TSPAN18: variants seen among roughly 807,000 people sequenced by gnomAD.
The protein encoded by TSPAN18 is tetraspanin-18.
In TSPAN18, 14 loss-of-function variants were observed where a neutral mutation model predicts 27.3. That is an observed-to-expected ratio of 0.51 (90% CI 0.34 to 0.80). TSPAN18 has a LOEUF of 0.80. Among genes scored for constraint, TSPAN18 ranks in the 30% least tolerant of loss-of-function variants. The probability of loss-of-function intolerance (pLI) is 0.01; values close to 1 mark genes in which losing one functional copy is unlikely to be tolerated. For synonymous variants in TSPAN18, 143 were observed against 136.5 expected, an observed-to-expected ratio of 1.05 and a Z score of -0.33; for missense variants, 268 against 323.9, an observed-to-expected ratio of 0.83 and a Z score of 1.32.
chr11:44,731,816 C>G (rs1045974050), intron 1 of TSPAN18, among the ~76,000 whole-genome samples: 3 of 152,128 alleles, frequency 2.0e-5, no homozygotes, highest in Non-Finnish European at 4.4e-5. Flanking sequence ...TGACAATATC[C>G]TGGCTCCTGG....
intron 2 of TSPAN18, among the ~76,000 whole-genome samples, chr11:44,772,795 A>C (rs1179245354): frequency 6.6e-6 from 1 of 152,146 alleles, no homozygotes; most frequent in Non-Finnish European, 1.5e-5. Context: ...AGTAGCTGGG[A>C]TTACAGACAT....
chr11:44,762,709 G>A (rs1855481872), intron 1 of TSPAN18, among the ~76,000 whole-genome samples: 1 of 152,096 alleles, frequency 6.6e-6, no homozygotes, highest in African/African-American at 2.4e-5. Flanking sequence ...GGTTCATGAT[G>A]CATGAGGTCC....
At chr11:44,894,827 C>A (rs1858984944) in intron 3 of TSPAN18, among the ~76,000 whole-genome samples, 1 of 152,224 alleles carries the variant, frequency 6.6e-6, no homozygotes, top group Non-Finnish European at 1.5e-5. Context: ...CAGCACTGGG[C>A]TGGAGACTTT....
intron 5 of TSPAN18, among the ~76,000 whole-genome samples, chr11:44,910,599 T>G (rs907365846): frequency 1.3e-5 from 2 of 152,266 alleles, no homozygotes; most frequent in Non-Finnish European, 2.9e-5. Context: ...AACTCCTTAG[T>G]AACATCGCTA....
intron 3 of TSPAN18, among the ~76,000 whole-genome samples, chr11:44,900,448 G>A (rs1261556037): frequency 6.6e-6 from 1 of 152,298 alleles, no homozygotes; most frequent in East Asian, 1.9e-4. Context: ...TCTGGCTCAG[G>A]CACTTCTGTA....
chr11:44,821,709 C>T (rs571716746), intron 2 of TSPAN18, among the ~76,000 whole-genome samples: 1 of 152,162 alleles, frequency 6.6e-6, no homozygotes, highest in Non-Finnish European at 1.5e-5. Context: ...GTTTCTTCTT[C>T]ACCTCCTCTT....
intron 2 of TSPAN18, among the ~76,000 whole-genome samples, chr11:44,824,744 G>A (rs1856999279): frequency 6.6e-6 from 1 of 152,222 alleles, no homozygotes; most frequent in Non-Finnish European, 1.5e-5. Flanking sequence ...GCCAGTGCTG[G>A]GTTTTAATTG....
intron 2 of TSPAN18, among the ~76,000 whole-genome samples, chr11:44,800,854 G>T (rs1461148888): frequency 1.3e-5 from 2 of 152,170 alleles, no homozygotes; most frequent in Non-Finnish European, 2.9e-5. Context: ...TGTCTGCCCA[G>T]AAAGTCTGTC....
intron 1 of TSPAN18, among the ~76,000 whole-genome samples, chr11:44,759,780 C>T (rs1057180562): frequency 3.9e-5 from 6 of 152,174 alleles, no homozygotes; most frequent in African/African-American, 9.7e-5. Context: ...AGTAAGATAC[C>T]ACCCATATCT....
chr11:44,769,977 A>C (rs1855654368), intron 2 of TSPAN18, among the ~76,000 whole-genome samples: 1 of 152,102 alleles, frequency 6.6e-6, no homozygotes, highest in East Asian at 1.9e-4. Flanking sequence ...CTGCATCTCA[A>C]TTTTTACATC....
chr11:44,821,689 GTCAGGGATGGTT>G (rs67168012), intron 2 of TSPAN18, among the ~76,000 whole-genome samples: 57,415 of 151,954 alleles, frequency 0.38, 11,257 homozygotes, highest in Non-Finnish European at 0.41. Flanking sequence ...GCCATTCAAG[GTCAGGGATGGTT>G]TCTTCTTCAC....
intron 2 of TSPAN18, among the ~76,000 whole-genome samples, chr11:44,822,850 G>T (rs762284145): frequency 7.2e-5 from 11 of 152,128 alleles, no homozygotes; most frequent in Non-Finnish European, 1.5e-4. Flanking sequence ...TATAATATAA[G>T]TCCTGCTAAA....
intron 2 of TSPAN18, among the ~76,000 whole-genome samples, chr11:44,818,500 A>T (rs145353998): frequency 7.2e-5 from 11 of 152,158 alleles, no homozygotes; most frequent in Admixed American, 3.3e-4. Flanking sequence ...ATCAGGGCAG[A>T]TGAACAGGTG....
chr11:44,900,480 A>AT (rs1669977059), intron 3 of TSPAN18, among the ~76,000 whole-genome samples: 1 of 152,160 alleles, frequency 6.6e-6, no homozygotes, highest in African/African-American at 2.4e-5. Context: ...TAGACAAGTG[A>AT]TTCCACCTCT....
intron 3 of TSPAN18, among the ~76,000 whole-genome samples, chr11:44,885,325 G>A (rs1170375848): frequency 1.3e-5 from 2 of 152,134 alleles, no homozygotes; most frequent in Admixed American, 6.5e-5. Context: ...ACCTGGAGAA[G>A]ATAATGATGA....
chr11:44,889,163 C>T (rs942605578), intron 3 of TSPAN18, among the ~76,000 whole-genome samples: 9 of 152,180 alleles, frequency 5.9e-5, no homozygotes, highest in South Asian at 2.1e-4. Context: ...AGTGTGAGAA[C>T]GGATTAATAC....
chr11:44,776,282 G>T (rs1530928), intron 2 of TSPAN18, among the ~76,000 whole-genome samples: 6,237 of 152,284 alleles, frequency 0.041, 432 homozygotes, highest in African/African-American at 0.14. Flanking sequence ...GGAAAGATTG[G>T]CCCGAGTCAC....
chr11:44,728,797 T>C (rs1854581179), intron 1 of TSPAN18, among the ~76,000 whole-genome samples: 1 of 152,248 alleles, frequency 6.6e-6, no homozygotes, highest in African/African-American at 2.4e-5. Flanking sequence ...ATCTTTGTCA[T>C]GTGCGGGGCT....
intron 2 of TSPAN18, among the ~76,000 whole-genome samples, chr11:44,796,975 G>T (rs2135057633): frequency 6.6e-6 from 1 of 152,258 alleles, no homozygotes; most frequent in Non-Finnish European, 1.5e-5. Context: ...TGAGAACATT[G>T]TCCTGACTCT....
Sources: gnomAD v4.1 joint callset for allele counts (sites outside exome capture counted in the v4.1 genomes callset) on GRCh38, gnomAD v4.1.1 for gene constraint, MANE v1.5 for transcripts, NCBI Gene and HGNC (gene_info 2026-07-23, HGNC 2026-07-21) for gene names.